Variants in SGCZ observed in about 807,000 individuals in gnomAD.
SGCZ encodes the protein sarcoglycan zeta.
A neutral mutation model predicts 41.3 loss-of-function variants in SGCZ; 40 were observed. The observed-to-expected ratio is 0.97, with a 90% CI of 0.75 to 1.26. The LOEUF is 1.26. Among genes scored for constraint, SGCZ ranks in the 50% most tolerant of loss-of-function variants. SGCZ has a pLI of 0.00. For missense variants in SGCZ, 552 were observed against 369.8 expected (o/e 1.49, Z -4.04); for synonymous variants, 206 against 137.5 (o/e 1.50, Z -3.49).
chr8:14,546,976 T>C (rs1563401170), intron 2 of SGCZ, among the ~76,000 whole-genome samples: 1 of 152,076 alleles, frequency 6.6e-6, no homozygotes, highest in African/African-American at 2.4e-5. Flanking sequence ...TTTAAAGTGT[T>C]ATTGTGAAAC....
rs1241591192 is a variant in SGCZ at position 14,210,046 on chromosome 8, T to TTTTG, written c.424+27542_424+27545dup. On this transcript the variant is annotated intron_variant, in intron 4 of 7. Transcript: ENST00000382080. ...ACAACTTGTTATCTACACTATTAAG[T>TTTTG]TTTGTTTGTTTGTTTGTTTCTCTTT... Among the ~76,000 whole-genome samples the TTTTG allele has an allele frequency of 9.2e-5, 14 of 152,128 alleles. No homozygotes were observed. In the South Asian group the frequency reaches 2.5e-3, roughly 27 times the overall value.
chr8:14,626,479 G>A (rs1386507857), intron 1 of SGCZ, among the ~76,000 whole-genome samples: 1 of 152,008 alleles, frequency 6.6e-6, no homozygotes, highest in African/African-American at 2.4e-5. Flanking sequence ...AAATTCATCT[G>A]GTGAAGTTCT....
intron 2 of SGCZ, among the ~76,000 whole-genome samples, chr8:14,340,385 G>A (rs1037585481): frequency 3.9e-5 from 6 of 152,018 alleles, no homozygotes; most frequent in Non-Finnish European, 8.8e-5. Flanking sequence ...TTCCCTTAAT[G>A]TGTCCTGTTC....
intron 1 of SGCZ, among the ~76,000 whole-genome samples, chr8:14,570,433 T>C (rs144437157): frequency 2.0e-3 from 302 of 152,206 alleles, no homozygotes; most frequent in African/African-American, 5.2e-3. Flanking sequence ...AGTATATTTG[T>C]TCTTTCTGAG....
chr8:15,001,035 G>C (rs548975965), intron 1 of SGCZ, among the ~76,000 whole-genome samples: 37 of 152,300 alleles, frequency 2.4e-4, no homozygotes, highest in African/African-American at 8.7e-4. Flanking sequence ...CTGAAGCTCT[G>C]GCAAAAGGGA....
In SGCZ at chr8:15,027,303, T is replaced by C. The variant is rs189061142; in HGVS notation, c.39+210282A>G. 1.8e-3 allele frequency among the ~76,000 whole-genome samples: 271 copies of C among 152,276 alleles called. 1 individual carries two copies. The highest frequency in any genetic ancestry group is 6.8e-3 in the Middle Eastern group (2 of 294). ...ACATTGTTTTGCTATGGAATCCTTCTCTACATAGTATTAATCAACAACCCA... is the reference window on the plus strand; with the variant it reads ...ACATTGTTTTGCTATGGAATCCTTCCCTACATAGTATTAATCAACAACCCA... On this transcript the variant is annotated intron_variant, in intron 1 of 7. Transcript: ENST00000382080.
At position 14,664,527 on chromosome 8, in the gene SGCZ, T is replaced by A. The variant is rs559793289; in HGVS notation, c.40-109601A>T. 6.6e-5 allele frequency among the ~76,000 whole-genome samples: 10 copies of A among 152,230 alleles called. No individual in the cohort carries two copies. The South Asian group carries it at 1.7e-3, about 25-fold the overall frequency. On this transcript the variant is annotated intron_variant, in intron 1 of 7. Coordinates refer to ENST00000382080, the MANE Select transcript of SGCZ (RefSeq NM_139167.4). Reference sequence around the variant, plus strand: ...GATATTTCAACTAGGGAATCAAGATTTGAGCAGAGAACAAAACACAACATC... The same window carrying A: ...GATATTTCAACTAGGGAATCAAGATATGAGCAGAGAACAAAACACAACATC...
At chr8:14,459,819 G>A (rs1008463800) in intron 2 of SGCZ, among the ~76,000 whole-genome samples, 6 of 152,116 alleles carry the variant, frequency 3.9e-5, no homozygotes, top group East Asian at 1.9e-4. Flanking sequence ...GAACATAAAC[G>A]CAATATAATC....
chr8:14,716,214 T>G (rs1809685295), intron 1 of SGCZ, among the ~76,000 whole-genome samples: 1 of 134,620 alleles, frequency 7.4e-6, no homozygotes, highest in Non-Finnish European at 1.6e-5. Flanking sequence ...AGTGTCATAG[T>G]GAAAACAAAA....
At chr8:14,366,133 G>T (rs1563282554) in intron 2 of SGCZ, among the ~76,000 whole-genome samples, 1 of 152,058 alleles carries the variant, frequency 6.6e-6, no homozygotes, top group Non-Finnish European at 1.5e-5. Context: ...ATGAATAAAT[G>T]AGTCTTTGTC....
intron 1 of SGCZ, among the ~76,000 whole-genome samples, chr8:14,613,777 CAG>C (rs1381432874): frequency 3.3e-5 from 5 of 152,012 alleles, no homozygotes; most frequent in African/African-American, 1.2e-4. Flanking sequence ...GAGGATTAAA[CAG>C]GGGTTTAATG....
chr8:15,086,149 A>G (rs1175135587), intron 1 of SGCZ, among the ~76,000 whole-genome samples: 2 of 152,234 alleles, frequency 1.3e-5, no homozygotes, highest in African/African-American at 4.8e-5. Context: ...TGGTAAATTT[A>G]AAAGGGCACA....
At chr8:14,881,026 GT>G (rs1327190586) in intron 1 of SGCZ, among the ~76,000 whole-genome samples, 6 of 152,040 alleles carry the variant, frequency 3.9e-5, no homozygotes, top group African/African-American at 1.4e-4. Flanking sequence ...AAGAGTCTTA[GT>G]TCAAGTTGTA....
intron 1 of SGCZ, among the ~76,000 whole-genome samples, chr8:14,627,423 G>C (rs1215284649): frequency 6.6e-6 from 1 of 151,998 alleles, no homozygotes; most frequent in South Asian, 2.1e-4. Flanking sequence ...GATCATTTTT[G>C]ATCCATTGTG....
chr8:14,121,371 G>A (rs1489952222), intron 5 of SGCZ, among the ~76,000 whole-genome samples: 1 of 151,974 alleles, frequency 6.6e-6, no homozygotes, highest in Non-Finnish European at 1.5e-5. Flanking sequence ...GCCGTTATAA[G>A]GGTGTTTAAA....
chr8:14,323,457 A>T (rs1373417009), intron 3 of SGCZ, among the ~76,000 whole-genome samples: 2 of 152,078 alleles, frequency 1.3e-5, no homozygotes, highest in Admixed American at 1.3e-4. Flanking sequence ...GATATGAAAA[A>T]TTCTAGTAAG....
intron 2 of SGCZ, among the ~76,000 whole-genome samples, chr8:14,510,925 C>A (rs1399598298): frequency 6.6e-6 from 1 of 152,070 alleles, no homozygotes; most frequent in Non-Finnish European, 1.5e-5. Context: ...GGCCTTCTCC[C>A]AGTTTCTGAG....
intron 1 of SGCZ, chr8:14,853,318 C>T (rs990403457): frequency 3.4e-6 from 1 of 293,212 alleles, no homozygotes; most frequent in Non-Finnish European, 7.7e-6. Flanking sequence ...ACAGGTTAAA[C>T]ATGGCACTTT....
At chr8:14,418,466 G>T (rs1416901869) in intron 2 of SGCZ, among the ~76,000 whole-genome samples, 2 of 151,870 alleles carry the variant, frequency 1.3e-5, no homozygotes, top group Non-Finnish European at 2.9e-5. Context: ...TTGCTGTCAG[G>T]AAGATTACAC....
Sources: gnomAD v4.1 joint callset for allele counts (sites outside exome capture counted in the v4.1 genomes callset) on GRCh38, gnomAD v4.1.1 for gene constraint, MANE v1.5 for transcripts, NCBI Gene and HGNC (gene_info 2026-07-23, HGNC 2026-07-21) for gene names.